The following CLCNKA variants were observed in gnomAD, a reference collection of about 807,000 sequenced individuals.
CLCNKA encodes chloride channel protein ClC-Ka.
Under a neutral mutation model 83.3 loss-of-function variants are expected in CLCNKA, and 66 were observed. That is an observed-to-expected ratio of 0.79 (90% confidence interval 0.65 to 0.97). The LOEUF is 0.97. Ranked by LOEUF, CLCNKA falls within the 50% of genes least tolerant of loss-of-function variation. CLCNKA has a pLI of 0.00. For missense variants in CLCNKA, 806 were observed against 888.7 expected (o/e 0.91, Z 1.18); for synonymous variants, 357 against 370.4 (o/e 0.96, Z 0.42).
chr1:16,033,373 A>T, intron 19 of CLCNKA, 117 bp downstream of exon 19: 1 of 1,225,536 alleles, frequency 8.2e-7, no homozygotes, highest in Non-Finnish European at 1.2e-6. Context: ...GATTCAGAGG[A>T]TACTTATGAG....
chr1:16,028,617 C>T (rs184094704), intron 10 of CLCNKA, 144 bp from the exon 11 acceptor site: 1 of 1,024,784 alleles, frequency 9.8e-7, no homozygotes, highest in East Asian at 2.4e-5. Flanking sequence ...GTTCCCTGCT[C>T]CCGCCCTTCC....
At position 16,026,690 on chromosome 1, in the gene CLCNKA, C is replaced by T. The variant is rs759928289; in HGVS notation, c.577-7C>T. 1.9e-6 allele frequency: 3 copies of T among 1,613,516 alleles called. No individual in the cohort carries two copies. The highest frequency in any genetic ancestry group is 1.7e-4 in the Middle Eastern group (1 of 5,976). ...CTGACTCTGAGCCCTGGACTCGGAT[C>T]CCCCAGAACAAGAGCAAGCAAAACG... On this transcript the variant is annotated splice_polypyrimidine_tract_variant and splice_region_variant and intron_variant, in intron 6 of 19. Coordinates refer to ENST00000331433, the MANE Select transcript of CLCNKA (RefSeq NM_004070.4).
intron 12 of CLCNKA, 58 bp downstream of exon 12, chr1:16,029,357 G>T (rs762366913): frequency 1.2e-6 from 2 of 1,610,992 alleles, no homozygotes; most frequent in Middle Eastern, 1.7e-4. Flanking sequence ...GTGGGGAGGG[G>T]CGGGGGTGCC....
chr1:16,029,252 C>T lies in CLCNKA; in HGVS notation c.1180C>T (p.Pro394Ser), dbSNP rs747914794. The T allele has an allele frequency of 6.2e-6, 10 of 1,613,872 alleles. 1 individual carries two copies. The South Asian group carries it at 1.1e-4, about 18-fold the overall frequency. The stretch of plus-strand genomic sequence containing the variant: ...GCACCTTTGGTGGGAATGGTACCAC[C>T]CGCGGTTCACCATCTTTGGGACCCT... ...PQHLWWEWYH[P>S]RFTIFGTLAF... The change falls in exon 12 of 20, where the codon CCG (proline) becomes TCG (serine). Residue 394 changes from proline to serine, a missense_variant. Transcript: ENST00000331433.
chr1:16,024,036 G>C (rs904449381), intron 3 of CLCNKA, 108 bp downstream of exon 3: 2 of 1,383,126 alleles, frequency 1.4e-6, no homozygotes, highest in Non-Finnish European at 2.0e-6. Context: ...ACCTGGGTGC[G>C]GGGAGGGCTC....
intron 19 of CLCNKA, 90 bp from the exon 20 acceptor site, chr1:16,033,520 GA>G: frequency 5.3e-6 from 6 of 1,138,954 alleles, no homozygotes; most frequent in East Asian, 2.4e-5. Flanking sequence ...ATTCAGCCTG[GA>G]AATGAACCTT....
chr1:16,029,420 T>C (rs1008707476), intron 12 of CLCNKA, 121 bp downstream of exon 12: 1 of 1,453,064 alleles, frequency 6.9e-7, no homozygotes, highest in Non-Finnish European at 9.5e-7. Flanking sequence ...CTTCCTTCTG[T>C]GCCCCCTGCC....
chr1:16,023,888 C>T lies in CLCNKA; in HGVS notation c.189C>T (p.Val63=), dbSNP rs2022237802. The part of the protein sequence containing the change: ...LMTLGVLMAL[V]SYAMNFAIGC... ...CCCTCGGGGTGCTCATGGCCCTGGT[C>T]AGCTATGCCATGAACTTTGCCATCG... The change falls in exon 3 of 20, where the codon GTC becomes GTT. Residue 63 remains valine, a synonymous_variant. Transcript: ENST00000331433. 6.2e-7 allele frequency: 1 copy of T among 1,614,170 alleles called. No homozygotes were observed.
Position 16,026,089 on chromosome 1 carries a change from C to G in CLCNKA, c.359-19C>G. On this transcript the variant is annotated intron_variant, in intron 4 of 19. Transcript: ENST00000331433. The stretch of plus-strand genomic sequence containing the variant: ...ATCTAGAGATTGTCCCCTGCTTGTT[C>G]CTGTCCTGTCTGGCTAAGGTTCTGG... 6.2e-7 allele frequency: 1 copy of G among 1,612,202 alleles called. No individual in the cohort carries two copies. Among genetic ancestry groups the G allele is most frequent in the South Asian group, 1.1e-5 (1 of 90,984 alleles).
At chr1:16,026,900 C>G in intron 7 of CLCNKA, 125 bp downstream of exon 7, 1 of 1,354,864 alleles carries the variant, frequency 7.4e-7, no homozygotes, top group Non-Finnish European at 1.0e-6. Context: ...TCACTTCAGC[C>G]CCGCTTTGGG....
chr1:16,028,554 CA>C, intron 10 of CLCNKA: 1 of 705,396 alleles, frequency 1.4e-6, no homozygotes. Flanking sequence ...TGCCCTCAGT[CA>C]TACCCAGTTG....
chr1:16,026,291 A>AACCCCCC, intron 5 of CLCNKA, 44 bp downstream of exon 5: 2 of 1,599,592 alleles, frequency 1.3e-6, no homozygotes, highest in Non-Finnish European at 1.7e-6. Flanking sequence ...CGCCCACCCT[A>AACCCCCC]CCCTGCCCCA....
In CLCNKA at chr1:16,032,205, T is replaced by A; in HGVS notation, c.1759T>A (p.Ser587Thr). The A allele has an allele frequency of 6.2e-7, 1 of 1,611,902 alleles. No homozygotes were observed. The highest frequency in any genetic ancestry group is 1.1e-5 in the South Asian group (1 of 91,046). The change falls in exon 17 of 20, where the codon TCC becomes ACC. Residue 587 changes from serine to threonine, a missense_variant and splice_region_variant. Physicochemically the swap from Ser to Thr is moderately conservative, Grantham distance 58 (BLOSUM62 1). Coordinates refer to ENST00000331433, the MANE Select transcript of CLCNKA (RefSeq NM_004070.4). Reference sequence around the variant, plus strand: ...CCCTCTCCCTCTCTACTTGCCAGAGTCCCAGATCCTGGTAGGCATCGTGCA... The same window carrying A: ...CCCTCTCCCTCTCTACTTGCCAGAGACCCAGATCCTGGTAGGCATCGTGCA... ...TEYPLVESTE[S>T]QILVGIVQRA...
chr1:16,029,396 G>A, intron 12 of CLCNKA, 97 bp downstream of exon 12: 1 of 1,566,344 alleles, frequency 6.4e-7, no homozygotes, highest in South Asian at 1.1e-5. Context: ...TGGAGCCCAG[G>A]CCTCTCACCC....
intron 15 of CLCNKA, 35 bp downstream of exon 15, chr1:16,030,709 G>T (rs770486836): frequency 1.2e-6 from 2 of 1,612,086 alleles, no homozygotes; most frequent in Admixed American, 1.7e-5. Context: ...ACTGAAGGGG[G>T]TCACAGTGTT....
At position 16,032,496 on chromosome 1, in the gene CLCNKA, G is replaced by A. The variant is rs769576984; in HGVS notation, c.1899G>A (p.Leu633=). 1.2e-6 allele frequency: 2 copies of A among 1,613,274 alleles called. No homozygotes were observed. Among genetic ancestry groups the A allele is most frequent in the Non-Finnish European group, 1.7e-6 (2 of 1,179,900 alleles). The change falls in exon 18 of 20, where the codon CTG becomes CTA. Residue 633 remains leucine, a synonymous_variant. Transcript: ENST00000331433. ...ARGCPTEPVT[L]TLFSETTLHQ... ...GCTGCCCCACGGAACCAGTGACCCT[G>A]ACGCTATTCTCAGAGACCACCTTGC...
rs61771057 is a variant in CLCNKA at position 16,024,197 on chromosome 1, G to C, written c.229+269G>C. Among the ~76,000 whole-genome samples, 12,747 of 152,236 alleles carry C rather than the reference G, an allele frequency of 0.084. 770 individuals carry two copies. The highest frequency in any genetic ancestry group is 0.19 in the East Asian group (1,001 of 5,160). On this transcript the variant is annotated intron_variant, in intron 3 of 19. Transcript: ENST00000331433. ...CTCTGGCTCCTCTTCCAGCCACCCC[G>C]TTCCTTCTCCTTCCCTCCTCCGTGC...
chr1:16,029,348 T>G, intron 12 of CLCNKA, 49 bp downstream of exon 12: 1 of 1,612,668 alleles, frequency 6.2e-7, no homozygotes, highest in Non-Finnish European at 8.5e-7. Flanking sequence ...CCAGCTCTGG[T>G]GGGGAGGGGC....
chr1:16,027,893 T>A lies in CLCNKA; in HGVS notation c.854T>A (p.Phe285Tyr). 3 of 1,613,860 alleles carry A rather than the reference T, an allele frequency of 1.9e-6. No homozygotes were observed. Among genetic ancestry groups the A allele is most frequent in the Non-Finnish European group, 2.5e-6 (3 of 1,179,890 alleles). Reference sequence around the variant, plus strand: ...TTCGACCTGCCTGAGATCTTCTTTTTTGTGGCGCTGGGGTGAGTGGGTGCC... The same window carrying A: ...TTCGACCTGCCTGAGATCTTCTTTTATGTGGCGCTGGGGTGAGTGGGTGCC... ...VPFDLPEIFF[F>Y]VALGGICGVL... is the part of the protein sequence containing the mutation. The change falls in exon 9 of 20, where the codon TTT becomes TAT. Residue 285 changes from phenylalanine (F) to tyrosine (Y), a missense_variant. Coordinates refer to ENST00000331433, the MANE Select transcript of CLCNKA (RefSeq NM_004070.4).
Sources: allele counts gnomAD v4.1 joint callset (sites outside exome capture counted in the v4.1 genomes callset), GRCh38; gene constraint gnomAD v4.1.1; transcripts MANE v1.5; gene names NCBI Gene and HGNC (gene_info 2026-07-23, HGNC 2026-07-21).